Variants in SLC36A1 observed in about 807,000 individuals in gnomAD.
SLC36A1 encodes proton-coupled amino acid transporter 1.
SLC36A1 carries 30 observed loss-of-function variants against 47.5 expected under a neutral mutation model. The observed-to-expected ratio is 0.63, with a 90% CI of 0.47 to 0.86. The LOEUF (loss-of-function observed/expected upper bound fraction) is 0.86. Among genes scored for constraint, SLC36A1 ranks in the 40% least tolerant of loss-of-function variants. SLC36A1 has a pLI of 0.00. For missense variants in SLC36A1, 517 were observed against 606.0 expected, an observed-to-expected ratio of 0.85 and a Z score of 1.54; for synonymous variants, 255 against 249.7, an observed-to-expected ratio of 1.02 and a Z score of -0.20.
the SLC36A1 span, among the ~76,000 whole-genome samples, chr5:151,392,350 A>G: frequency 6.6e-6 from 1 of 152,148 alleles, no homozygotes; most frequent in Non-Finnish European, 1.5e-5. Flanking sequence ...TCAAAAAACC[A>G]GTTCCTGGAT....
At chr5:151,403,345 G>A in the SLC36A1 span, among the ~76,000 whole-genome samples, 1 of 152,124 alleles carries the variant, frequency 6.6e-6, no homozygotes. Context: ...GGGGCCTGGT[G>A]GGGGTGATTA....
At chr5:151,421,822 C>T in the SLC36A1 span, among the ~76,000 whole-genome samples, 1 of 148,408 alleles carries the variant, frequency 6.7e-6, no homozygotes, top group Non-Finnish European at 1.5e-5. Flanking sequence ...AATCTCTTAA[C>T]CTTGTGATCC....
At chr5:151,521,405 G>T in the SLC36A1 span, 4 of 1,614,174 alleles carry the variant, frequency 2.5e-6, no homozygotes, top group Non-Finnish European at 3.4e-6. Flanking sequence ...TGGCAGGTTG[G>T]CCCCTGGCAG....
In SLC36A1 at chr5:151,457,811, A is replaced by G. The variant is rs527353971; in HGVS notation, c.-5-977A>G. ...GTGGGAGTTTCAGCAGAATTGGATG[A>G]TCCAGAGGGGATTTCTGTTTTCTTT... On this transcript the variant is annotated intron_variant, in intron 1 of 10. Coordinates refer to ENST00000243389, the MANE Select transcript of SLC36A1 (RefSeq NM_078483.4). 2.0e-5 allele frequency among the ~76,000 whole-genome samples: 3 copies of G among 150,496 alleles called. No homozygotes were observed. The South Asian group carries it at 6.3e-4, about 32-fold the overall frequency.
At chr5:151,394,915 A>T in the SLC36A1 span, among the ~76,000 whole-genome samples, 7 of 152,122 alleles carry the variant, frequency 4.6e-5, no homozygotes, top group African/African-American at 1.7e-4. Context: ...GAGAACCACT[A>T]CTCTCTTCAA....
the SLC36A1 span, among the ~76,000 whole-genome samples, chr5:151,518,348 C>CTAATAA: frequency 0.056 from 5,727 of 101,440 alleles, 150 homozygotes; most frequent in South Asian, 0.061. Context: ...GACCATGTCT[C>CTAATAA]TAATAATAAT....
the SLC36A1 span, among the ~76,000 whole-genome samples, chr5:151,537,348 GAAAAAA>G: frequency 4.9e-4 from 25 of 50,568 alleles, no homozygotes; most frequent in East Asian, 2.8e-3. Context: ...GAAAAGAAAA[GAAAAAA>G]GAAGGAAGGA....
chr5:151,422,501 C>T, the SLC36A1 span, among the ~76,000 whole-genome samples: 8 of 152,062 alleles, frequency 5.3e-5, no homozygotes, highest in Non-Finnish European at 8.8e-5. Flanking sequence ...ACCTCTGAAA[C>T]GGCAGAGTAT....
intron 8 of SLC36A1, among the ~76,000 whole-genome samples, chr5:151,474,542 G>A (rs1278555085): frequency 6.6e-6 from 1 of 152,202 alleles, no homozygotes; most frequent in Non-Finnish European, 1.5e-5. Context: ...GCTTTGCACA[G>A]ACCCTGACAC....
At chr5:151,507,109 C>A in the SLC36A1 span, 1 of 1,494,364 alleles carries the variant, frequency 6.7e-7, no homozygotes, top group African/African-American at 1.4e-5. Flanking sequence ...AACCACCACC[C>A]ACTTCCATCA....
the SLC36A1 span, chr5:151,532,107 G>A: frequency 8.8e-7 from 1 of 1,134,664 alleles, no homozygotes; most frequent in Admixed American, 2.5e-5. Flanking sequence ...TATATGAAGA[G>A]TGAGGGTCTC....
At chr5:151,498,513 C>T in the SLC36A1 span, among the ~76,000 whole-genome samples, 3 of 152,296 alleles carry the variant, frequency 2.0e-5, no homozygotes, top group South Asian at 4.1e-4. Flanking sequence ...GTTTCCAAAG[C>T]GGTGAAGCCA....
At chr5:151,542,804 T>C in the SLC36A1 span, 1 of 1,614,210 alleles carries the variant, frequency 6.2e-7, no homozygotes, top group Non-Finnish European at 8.5e-7. Flanking sequence ...ACCACATCAG[T>C]GTTCTGAAGG....
At chr5:151,393,709 T>G in the SLC36A1 span, among the ~76,000 whole-genome samples, 1 of 152,148 alleles carries the variant, frequency 6.6e-6, no homozygotes, top group Non-Finnish European at 1.5e-5. Flanking sequence ...ATTCTTTTCT[T>G]TAAGAATGTT....
At chr5:151,533,782 T>TTA in the SLC36A1 span, among the ~76,000 whole-genome samples, 17 of 151,766 alleles carry the variant, frequency 1.1e-4, no homozygotes, top group Admixed American at 1.0e-3. Context: ...CATTAATGAG[T>TTA]TATATATATG....
the SLC36A1 span, among the ~76,000 whole-genome samples, chr5:151,552,391 A>C: frequency 1.3e-5 from 2 of 152,186 alleles, no homozygotes; most frequent in Non-Finnish European, 2.9e-5. Context: ...TAAGTTCAGG[A>C]GGTTCAAAGA....
the SLC36A1 span, among the ~76,000 whole-genome samples, chr5:151,538,385 C>T: frequency 1.1e-3 from 168 of 152,240 alleles, 1 homozygote; most frequent in Non-Finnish European, 1.3e-3. Flanking sequence ...GCCTCTGTGG[C>T]GAGGCCATGC....
intron 7 of SLC36A1, among the ~76,000 whole-genome samples, chr5:151,468,723 C>G (rs538778961): frequency 1.3e-5 from 2 of 151,992 alleles, no homozygotes; most frequent in South Asian, 2.1e-4. Flanking sequence ...CCAGGGGGCA[C>G]TGGTTTAGAC....
the SLC36A1 span, chr5:151,382,280 C>T: frequency 7.8e-7 from 1 of 1,285,910 alleles, no homozygotes; most frequent in Non-Finnish European, 1.1e-6. Context: ...CACACACAGG[C>T]TTTGAGAGTG....
Sources: allele counts gnomAD v4.1 joint callset (sites outside exome capture counted in the v4.1 genomes callset), GRCh38; gene constraint gnomAD v4.1.1; transcripts MANE v1.5; gene names NCBI Gene and HGNC (gene_info 2026-07-23, HGNC 2026-07-21).